FHIT: variants seen among roughly 807,000 people sequenced by gnomAD.
FHIT encodes the protein fragile histidine triad diadenosine triphosphatase, also known as bis(5'-adenosyl)-triphosphatase.
FHIT carries 19 observed loss-of-function variants against 17.9 expected under a neutral mutation model. The observed-to-expected ratio is 1.06, with a 90% CI of 0.74 to 1.56. FHIT has a LOEUF of 1.56. Ranked by LOEUF, FHIT falls within the 40% of genes most tolerant of loss-of-function variation. FHIT has a pLI of 0.00. For missense variants in FHIT, 248 were observed against 189.2 expected, an observed-to-expected ratio of 1.31 and a Z score of -1.82; for synonymous variants, 81 against 69.7, an observed-to-expected ratio of 1.16 and a Z score of -0.81.
chr3:60,033,931 G>T (rs1701105371), intron 5 of FHIT, among the ~76,000 whole-genome samples: 1 of 152,126 alleles, frequency 6.6e-6, no homozygotes. Context: ...ATACAAAGAG[G>T]TAGCTTTCAG....
At chr3:61,067,289 A>T (rs922747133) in intron 2 of FHIT, among the ~76,000 whole-genome samples, 1 of 152,168 alleles carries the variant, frequency 6.6e-6, no homozygotes, top group African/African-American at 2.4e-5. Context: ...GAACCCAGAA[A>T]AACTATGTAC....
chr3:59,943,223 T>G (rs1199700809), intron 7 of FHIT, among the ~76,000 whole-genome samples: 1 of 152,048 alleles, frequency 6.6e-6, no homozygotes, highest in Non-Finnish European at 1.5e-5. Flanking sequence ...AGGAACCAGC[T>G]CAGGGCTTTG....
intron 3 of FHIT, among the ~76,000 whole-genome samples, chr3:60,908,589 G>A (rs1285734120): frequency 2.0e-5 from 3 of 151,674 alleles, no homozygotes; most frequent in Non-Finnish European, 2.9e-5. Context: ...CTATGGAGAA[G>A]AGAGACTGAA....
At chr3:61,024,306 G>A (rs2032618293) in intron 3 of FHIT, among the ~76,000 whole-genome samples, 1 of 152,070 alleles carries the variant, frequency 6.6e-6, no homozygotes, top group Non-Finnish European at 1.5e-5. Flanking sequence ...ATTCAACCCT[G>A]TTTTCCCCCC....
chr3:60,390,978 G>C (rs1701207809), intron 5 of FHIT, among the ~76,000 whole-genome samples: 1 of 152,140 alleles, frequency 6.6e-6, no homozygotes, highest in Non-Finnish European at 1.5e-5. Context: ...CCAGGAGTTT[G>C]AGACCAGCCT....
intron 5 of FHIT, among the ~76,000 whole-genome samples, chr3:60,328,384 T>A (rs1709803455): frequency 6.6e-6 from 1 of 152,198 alleles, no homozygotes; most frequent in African/African-American, 2.4e-5. Flanking sequence ...CACTTCCACA[T>A]GGCTGGAGAG....
intron 3 of FHIT, among the ~76,000 whole-genome samples, chr3:60,826,044 T>C (rs782362112): frequency 2.0e-5 from 3 of 152,048 alleles, no homozygotes; most frequent in Non-Finnish European, 4.4e-5. Flanking sequence ...ATACTCGTTT[T>C]GGGATAGTGA....
rs1424000912 is a variant in FHIT at position 59,749,313 on chromosome 3, C to T, written c.*272G>A. 2 of 230,610 alleles carry T rather than the reference C, an allele frequency of 8.7e-6. No individual in the cohort carries two copies. Among genetic ancestry groups the T allele is most frequent in the East Asian group, 1.2e-4 (2 of 16,330 alleles). 14.3% of individuals were successfully genotyped at this position (230,610 alleles called of 1,614,324 possible). ...GTCAATACACCGAGACACAGGGTTG[C>T]AGCAGAGAAGGAAGTTTAATCATAA... On this transcript the variant is annotated 3_prime_UTR_variant, in exon 10 of 10. Transcript: ENST00000492590.
chr3:60,599,306 A>G (rs1394051584), intron 4 of FHIT, among the ~76,000 whole-genome samples: 2 of 152,194 alleles, frequency 1.3e-5, no homozygotes, highest in Non-Finnish European at 2.9e-5. Flanking sequence ...AGATTAGGTG[A>G]TATATCCACA....
intron 4 of FHIT, among the ~76,000 whole-genome samples, chr3:60,739,794 T>C (rs1350223835): frequency 4.6e-5 from 7 of 152,188 alleles, no homozygotes; most frequent in African/African-American, 1.4e-4. Context: ...TACACCCAGA[T>C]AGTGCCCCCT....
chr3:61,064,978 A>G (rs1180380425), intron 2 of FHIT, among the ~76,000 whole-genome samples: 1 of 152,188 alleles, frequency 6.6e-6, no homozygotes, highest in Non-Finnish European at 1.5e-5. Context: ...ATTCTTGATC[A>G]CACCATAAAT....
intron 5 of FHIT, among the ~76,000 whole-genome samples, chr3:60,152,268 TC>T (rs145960770): frequency 4.4e-4 from 67 of 152,304 alleles, no homozygotes; most frequent in African/African-American, 1.6e-3. Flanking sequence ...ATCTATTAGC[TC>T]GTAGGAAGCA....
intron 2 of FHIT, among the ~76,000 whole-genome samples, chr3:61,178,192 G>T (rs2038216167): frequency 1.3e-5 from 2 of 152,102 alleles, no homozygotes. Flanking sequence ...TGAGTGTTTA[G>T]ATTGTGCCAG....
intron 2 of FHIT, among the ~76,000 whole-genome samples, chr3:61,163,075 T>C (rs1373327534): frequency 6.6e-6 from 1 of 152,194 alleles, no homozygotes; most frequent in Non-Finnish European, 1.5e-5. Context: ...CTTGTAGGAC[T>C]GTGCTGTACT....
intron 8 of FHIT, among the ~76,000 whole-genome samples, chr3:59,826,328 T>TTTGTGA (rs1248396388): frequency 6.6e-6 from 1 of 152,194 alleles, no homozygotes; most frequent in Admixed American, 6.5e-5. Flanking sequence ...ATCACCCTAC[T>TTTGTGA]TTAAAATTGT....
intron 5 of FHIT, among the ~76,000 whole-genome samples, chr3:60,255,769 T>A (rs1168081050): frequency 6.6e-6 from 1 of 152,054 alleles, no homozygotes; most frequent in Non-Finnish European, 1.5e-5. Flanking sequence ...ATAACTGGTG[T>A]TCATGGACCT....
chr3:60,488,703 C>T (rs2033943158), intron 5 of FHIT, among the ~76,000 whole-genome samples: 1 of 152,074 alleles, frequency 6.6e-6, no homozygotes, highest in African/African-American at 2.4e-5. Flanking sequence ...GCCTAGTATA[C>T]ATAAATATTT....
At chr3:60,032,627 T>C (rs1311221797) in intron 5 of FHIT, among the ~76,000 whole-genome samples, 1 of 152,152 alleles carries the variant, frequency 6.6e-6, no homozygotes. Context: ...AATCTGCTGA[T>C]CAATTTCAGG....
chr3:60,801,455 T>C (rs1016525345), intron 4 of FHIT, among the ~76,000 whole-genome samples: 1 of 152,172 alleles, frequency 6.6e-6, no homozygotes, highest in Admixed American at 6.5e-5. Flanking sequence ...CCCTAGATCT[T>C]TGGAGAATTA....
Sources: gnomAD v4.1 joint callset for allele counts (sites outside exome capture counted in the v4.1 genomes callset) on GRCh38, gnomAD v4.1.1 for gene constraint, MANE v1.5 for transcripts, NCBI Gene and HGNC (gene_info 2026-07-23, HGNC 2026-07-21) for gene names.